The following DOK6 variants were observed in gnomAD, a reference collection of about 807,000 sequenced individuals.
The protein encoded by DOK6 is downstream of tyrosine kinase 6.
A neutral mutation model predicts 44.0 loss-of-function variants in DOK6; 22 were observed. That is an observed-to-expected ratio of 0.50 (90% CI 0.36 to 0.71). DOK6 has a LOEUF of 0.71. Ranked by LOEUF, DOK6 falls within the 30% of genes least tolerant of loss-of-function variation. DOK6 has a pLI of 0.00. For missense variants in DOK6, 340 were observed against 416.4 expected (o/e 0.82, Z 1.60); for synonymous variants, 166 against 145.5 (o/e 1.14, Z -1.01).
chr18:69,835,051 C>T (rs1451725311), intron 7 of DOK6, among the ~76,000 whole-genome samples: 1 of 152,214 alleles, frequency 6.6e-6, no homozygotes, highest in Non-Finnish European at 1.5e-5. Flanking sequence ...GCAAGAACAG[C>T]ATGGGGGAAC....
chr18:69,693,909 A>G (rs1422751899), intron 4 of DOK6, among the ~76,000 whole-genome samples: 1 of 151,776 alleles, frequency 6.6e-6, no homozygotes, highest in East Asian at 1.9e-4. Flanking sequence ...ATACAAAAAA[A>G]TTAGCCGGGC....
intron 1 of DOK6, among the ~76,000 whole-genome samples, chr18:69,432,208 C>G (rs1450744671): frequency 6.6e-6 from 1 of 152,112 alleles, no homozygotes; most frequent in East Asian, 1.9e-4. Context: ...TTTAAAAGAC[C>G]AATGCATGAG....
At chr18:69,617,729 AGGG>A (rs74192038) in intron 3 of DOK6, among the ~76,000 whole-genome samples, 1 of 38,052 alleles carries the variant, frequency 2.6e-5, no homozygotes, top group African/African-American at 5.8e-5. Flanking sequence ...GAAAGAAAAA[AGGG>A]GGAAGGAGGG....
chr18:69,574,706 C>A (rs914838136), intron 2 of DOK6, among the ~76,000 whole-genome samples: 1 of 151,896 alleles, frequency 6.6e-6, no homozygotes, highest in South Asian at 2.1e-4. Flanking sequence ...GGTATAAATA[C>A]CTTACTATGA....
At chr18:69,697,013 A>G (rs1419834604) in intron 4 of DOK6, among the ~76,000 whole-genome samples, 4 of 152,234 alleles carry the variant, frequency 2.6e-5, no homozygotes, top group Non-Finnish European at 1.5e-5. Flanking sequence ...TCAATAATCT[A>G]AAAGACTGAA....
chr18:69,439,697 G>A (rs1979083445), intron 1 of DOK6, among the ~76,000 whole-genome samples: 1 of 152,144 alleles, frequency 6.6e-6, no homozygotes, highest in South Asian at 2.1e-4. Context: ...AGCCTTCATG[G>A]AATTAGAGTG....
chr18:69,774,083 G>T (rs1198214922), intron 7 of DOK6, among the ~76,000 whole-genome samples: 2 of 125,220 alleles, frequency 1.6e-5, no homozygotes, highest in South Asian at 2.7e-4. Flanking sequence ...ATATGAGATA[G>T]ATTTATATAG....
chr18:69,495,338 C>A (rs538186806), intron 1 of DOK6, among the ~76,000 whole-genome samples: 1 of 152,320 alleles, frequency 6.6e-6, no homozygotes, highest in African/African-American at 2.4e-5. Flanking sequence ...TCTTTCAGCC[C>A]TGCCGTTCCA....
At chr18:69,529,254 C>T (rs1981919788) in intron 1 of DOK6, among the ~76,000 whole-genome samples, 1 of 152,094 alleles carries the variant, frequency 6.6e-6, no homozygotes, top group Non-Finnish European at 1.5e-5. Flanking sequence ...ACCCCTCTTA[C>T]ATGTCTTTTT....
chr18:69,845,858 A>T lies in DOK6; in HGVS notation c.*4475A>T, dbSNP rs779879612. The T allele has an allele frequency of 1.3e-5, 2 of 152,180 alleles. No homozygotes were observed. The highest frequency in any genetic ancestry group is 4.8e-5 in the African/African-American group (2 of 41,436). The allele number at this position is 152,180 out of a possible 1,614,324, so 9.4% of individuals were successfully genotyped here. A position where few individuals can be genotyped will look rare whatever the true frequency, so the allele number is the denominator to read the frequency against. ...TAGTGAAAAACATTTAACAAGAAAC[A>T]ATGTGTAACCAAGTCCCCACAGTAA... On this transcript the variant is annotated 3_prime_UTR_variant, in exon 8 of 8. Transcript: ENST00000382713.
intron 7 of DOK6, among the ~76,000 whole-genome samples, chr18:69,839,016 T>C (rs1982132174): frequency 1.4e-5 from 2 of 138,902 alleles, no homozygotes; most frequent in African/African-American, 5.5e-5. Flanking sequence ...CTAGATGTTC[T>C]CCTAACTCCT....
intron 3 of DOK6, among the ~76,000 whole-genome samples, chr18:69,604,315 C>A (rs1445975074): frequency 6.6e-6 from 1 of 152,170 alleles, no homozygotes; most frequent in Non-Finnish European, 1.5e-5. Context: ...TTCACACGCA[C>A]AAGTCTGAAA....
At chr18:69,635,687 C>G (rs1478490484) in intron 3 of DOK6, among the ~76,000 whole-genome samples, 1 of 103,600 alleles carries the variant, frequency 9.7e-6, no homozygotes, top group Non-Finnish European at 2.4e-5. Flanking sequence ...TTGTGGTTAA[C>G]TGAGATGTGG....
chr18:69,480,915 A>C (rs1980399752), intron 1 of DOK6, among the ~76,000 whole-genome samples: 1 of 152,166 alleles, frequency 6.6e-6, no homozygotes, highest in Non-Finnish European at 1.5e-5. Context: ...CCCTGTGAAG[A>C]ACTCACATAC....
chr18:69,501,972 A>G lies in DOK6; in HGVS notation c.67-62515A>G, dbSNP rs552399302. On this transcript the variant is annotated intron_variant, in intron 1 of 7. Transcript: ENST00000382713. ...GAAACCCAGAACAATGATCTGTAAC[A>G]GTGGAATAATATTTCTTCCTTAATG... is the stretch of plus-strand genomic sequence containing the variant. Among the ~76,000 whole-genome samples, 3 of 152,268 alleles carry G rather than the reference A, an allele frequency of 2.0e-5. No individual in the cohort carries two copies. The East Asian group carries it at 5.8e-4, about 29-fold the overall frequency.
chr18:69,506,831 T>C (rs1472908763), intron 1 of DOK6, among the ~76,000 whole-genome samples: 5 of 151,954 alleles, frequency 3.3e-5, no homozygotes, highest in Non-Finnish European at 7.4e-5. Context: ...TCCTAAATGA[T>C]GGCAACATTT....
chr18:69,758,422 G>A (rs1979431798), intron 7 of DOK6, among the ~76,000 whole-genome samples: 2 of 152,096 alleles, frequency 1.3e-5, no homozygotes, highest in South Asian at 2.1e-4. Context: ...AATGATAAAC[G>A]GTCAATTAGC....
At chr18:69,613,035 T>A (rs914169291) in intron 3 of DOK6, among the ~76,000 whole-genome samples, 11 of 152,052 alleles carry the variant, frequency 7.2e-5, no homozygotes, top group Non-Finnish European at 1.5e-4. Context: ...CATGCCCGGC[T>A]AATTTTTGTA....
At position 69,512,437 on chromosome 18, in the gene DOK6, G is replaced by A. The variant is rs572277998; in HGVS notation, c.67-52050G>A. Among the ~76,000 whole-genome samples, 6 of 149,364 alleles carry A rather than the reference G, an allele frequency of 4.0e-5. No homozygotes were observed. In the East Asian group the frequency reaches 1.2e-3, roughly 30 times the overall value. On this transcript the variant is annotated intron_variant, in intron 1 of 7. Coordinates refer to ENST00000382713, the MANE Select transcript of DOK6 (RefSeq NM_152721.6). ...TGGCTCACTGCAGCCTCCCCCTTCC[G>A]GGTTCATGCAATTCTCCTACCTCAG...
Sources: gnomAD v4.1 joint callset for allele counts (sites outside exome capture counted in the v4.1 genomes callset) on GRCh38, gnomAD v4.1.1 for gene constraint, MANE v1.5 for transcripts, NCBI Gene and HGNC (gene_info 2026-07-23, HGNC 2026-07-21) for gene names.